Variants in FBXW10B observed in about 807,000 individuals in gnomAD.
FBXW10B encodes F-box and WD repeat domain containing 10B, also known as F-box and WD repeat domain containing protein 10B.
chr17:15,568,819 C>T, the FBXW10B span: 1 of 1,205,922 alleles, frequency 8.3e-7, no homozygotes, highest in Non-Finnish European at 1.0e-6. Flanking sequence ...TCTGTTATCT[C>T]CTTCATCTGA....
chr17:15,585,943 C>CTT, the FBXW10B span, among the ~76,000 whole-genome samples: 23,385 of 136,868 alleles, frequency 0.17, 1,739 homozygotes, highest in South Asian at 0.29. Context: ...TCATTTTCTT[C>CTT]TTTTTTTTTT....
chr17:15,612,735 C>T, the FBXW10B span: 282 of 1,614,042 alleles, frequency 1.7e-4, 5 homozygotes, highest in South Asian at 3.0e-3. Context: ...ATGTTTCACA[C>T]GCATGCTCTT....
chr17:15,601,895 G>A, the FBXW10B span, among the ~76,000 whole-genome samples: 3 of 152,020 alleles, frequency 2.0e-5, no homozygotes, highest in Non-Finnish European at 2.9e-5. Flanking sequence ...GGCAAATCAC[G>A]AGGTCAGGAG....
the FBXW10B span, chr17:15,619,194 T>C: frequency 3.1e-6 from 5 of 1,614,008 alleles, no homozygotes; most frequent in Non-Finnish European, 4.2e-6. Flanking sequence ...AACATTTGGT[T>C]CAAGGAGGAC....
chr17:15,598,780 G>A, the FBXW10B span: 1 of 1,438,562 alleles, frequency 7.0e-7, no homozygotes, highest in Non-Finnish European at 9.2e-7. Context: ...TTAGAGTCAG[G>A]GGCCTGGATT....
At chr17:15,617,998 T>A in the FBXW10B span, among the ~76,000 whole-genome samples, 3 of 152,154 alleles carry the variant, frequency 2.0e-5, no homozygotes, top group South Asian at 2.1e-4. Flanking sequence ...AGATCCCCAG[T>A]CCAGCAACAT....
At chr17:15,604,085 A>C in the FBXW10B span, among the ~76,000 whole-genome samples, 10 of 150,478 alleles carry the variant, frequency 6.6e-5, no homozygotes, top group East Asian at 2.0e-3. Flanking sequence ...ATCTCAAAAA[A>C]AAAAAACAAA....
the FBXW10B span, chr17:15,565,776 G>A: frequency 2.0e-5 from 33 of 1,613,994 alleles, no homozygotes; most frequent in African/African-American, 3.9e-4. Flanking sequence ...GGGCTGTATA[G>A]ATGCGAGGCC....
the FBXW10B span, chr17:15,588,877 A>C: frequency 6.2e-7 from 1 of 1,613,872 alleles, no homozygotes; most frequent in African/African-American, 1.3e-5. Context: ...GTCCTTTGCC[A>C]CTTGTTGTGC....
chr17:15,594,596 T>C, the FBXW10B span: 3 of 892,296 alleles, frequency 3.4e-6, no homozygotes, highest in Non-Finnish European at 3.4e-6. Context: ...GAAAAATGGG[T>C]CCCAGGTGGA....
the FBXW10B span, among the ~76,000 whole-genome samples, chr17:15,609,680 G>A: frequency 1.3e-5 from 2 of 151,932 alleles, no homozygotes; most frequent in African/African-American, 2.4e-5. Context: ...GCAGAGCTAC[G>A]GGCATCAGGC....
chr17:15,602,487 T>C, the FBXW10B span, among the ~76,000 whole-genome samples: 2 of 151,848 alleles, frequency 1.3e-5, no homozygotes, highest in East Asian at 3.9e-4. Flanking sequence ...AACTGTAATG[T>C]TGATAGAAGA....
chr17:15,599,654 T>C, the FBXW10B span, among the ~76,000 whole-genome samples: 1 of 150,786 alleles, frequency 6.6e-6, no homozygotes, highest in South Asian at 2.1e-4. Context: ...TATGCACATA[T>C]AGGGCATATC....
At chr17:15,613,591 C>G in the FBXW10B span, 1 of 1,537,008 alleles carries the variant, frequency 6.5e-7, no homozygotes. Flanking sequence ...TCAGACATTC[C>G]CCTTTCAGAC....
the FBXW10B span, among the ~76,000 whole-genome samples, chr17:15,601,027 G>A: frequency 2.0e-5 from 2 of 98,290 alleles, no homozygotes; most frequent in Non-Finnish European, 3.7e-5. Flanking sequence ...CTCCAGCCTG[G>A]CAACAGAGCG....
At chr17:15,599,322 AAGGAGGTGCCACTG>A in the FBXW10B span, among the ~76,000 whole-genome samples, 1 of 134,856 alleles carries the variant, frequency 7.4e-6, no homozygotes, top group African/African-American at 2.9e-5. Flanking sequence ...ACAAGCCGGG[AAGGAGGTGCCACTG>A]GCATCTAGTG....
chr17:15,588,968 C>A, the FBXW10B span: 1 of 1,613,246 alleles, frequency 6.2e-7, no homozygotes, highest in Non-Finnish European at 8.5e-7. Context: ...TTCCTGTATA[C>A]CTGCTGCTAC....
the FBXW10B span, among the ~76,000 whole-genome samples, chr17:15,611,183 T>G: frequency 1.1e-4 from 16 of 152,062 alleles, no homozygotes; most frequent in Admixed American, 9.8e-4. Context: ...CCACCATGCC[T>G]GGCTAATTTT....
the FBXW10B span, among the ~76,000 whole-genome samples, chr17:15,570,835 G>T: frequency 6.6e-6 from 1 of 152,198 alleles, no homozygotes; most frequent in Non-Finnish European, 1.5e-5. Context: ...CTCGGCAGAG[G>T]ACTCTTCGAT....
Sources: allele counts gnomAD v4.1 joint callset (sites outside exome capture counted in the v4.1 genomes callset), GRCh38; gene constraint gnomAD v4.1.1; transcripts MANE v1.5; gene names NCBI Gene and HGNC (gene_info 2026-07-23, HGNC 2026-07-21).